The following RASGEF1C variants were observed in gnomAD, a reference collection of about 807,000 sequenced individuals.
The protein encoded by RASGEF1C is RasGEF domain family member 1C.
In RASGEF1C, 27 loss-of-function variants were observed where a neutral mutation model predicts 58.1. That is an observed-to-expected ratio of 0.46 (90% CI 0.34 to 0.64). The LOEUF is 0.64. Among genes scored for constraint, RASGEF1C ranks in the 30% least tolerant of loss-of-function variants. The pLI is 0.01. For missense variants in RASGEF1C, 502 were observed against 605.1 expected (o/e 0.83, Z 1.79); for synonymous variants, 243 against 246.3 (o/e 0.99, Z 0.13).
chr5:180,191,523 A>G (rs1175312587), intron 1 of RASGEF1C, among the ~76,000 whole-genome samples: 1 of 151,372 alleles, frequency 6.6e-6, no homozygotes, highest in Non-Finnish European at 1.5e-5. Context: ...CGGCCGGCTG[A>G]TTTTTTGTAT....
chr5:180,152,561 T>A (rs1349049291), intron 1 of RASGEF1C, among the ~76,000 whole-genome samples: 2 of 76,662 alleles, frequency 2.6e-5, no homozygotes, highest in African/African-American at 1.1e-4. Flanking sequence ...CGGGGCCTGT[T>A]GTGGGGTGGG....
intron 1 of RASGEF1C, among the ~76,000 whole-genome samples, chr5:180,148,797 C>A (rs1766698541): frequency 6.6e-6 from 1 of 152,286 alleles, no homozygotes; most frequent in East Asian, 1.9e-4. Flanking sequence ...ATGGATAAAT[C>A]TTTACCAGAT....
chr5:180,102,573 G>A (rs1230332133), intron 12 of RASGEF1C, among the ~76,000 whole-genome samples: 4 of 152,208 alleles, frequency 2.6e-5, no homozygotes, highest in Non-Finnish European at 4.4e-5. Flanking sequence ...ATTTGTATAA[G>A]GTGTGAGGCT....
In RASGEF1C at chr5:180,189,923, C is replaced by CAAAAAA. The variant is rs71001085; in HGVS notation, c.-7+19099_-7+19104dup. ...GGGCAACAAGAGCAAAACTCCATCT[C>CAAAAAA]AAAAAAAAAAAAAAAAAAAAAAAAA... On this transcript the variant is annotated intron_variant, in intron 1 of 13. Transcript: ENST00000361132. 1.6e-3 allele frequency among the ~76,000 whole-genome samples: 60 copies of CAAAAAA among 37,164 alleles called. 1 individual carries two copies. The highest frequency in any genetic ancestry group is 2.3e-3 in the Non-Finnish European group (49 of 21,756). 24.4% of individuals were successfully genotyped at this position (37,164 alleles called of 152,430 possible). A position where few individuals can be genotyped will look rare whatever the true frequency, so the allele number is the denominator to read the frequency against.
intron 1 of RASGEF1C, among the ~76,000 whole-genome samples, chr5:180,182,127 C>T (rs1368682880): frequency 6.9e-6 from 1 of 144,914 alleles, no homozygotes; most frequent in South Asian, 2.2e-4. Flanking sequence ...ATGGCGGGAA[C>T]CCGGGAGGTG....
At chr5:180,200,458 C>T (rs778494043) in intron 1 of RASGEF1C, among the ~76,000 whole-genome samples, 3 of 151,302 alleles carry the variant, frequency 2.0e-5, no homozygotes, top group Non-Finnish European at 4.4e-5. Context: ...TACAGGCGCC[C>T]GCCACCACGC....
chr5:180,158,186 C>T lies in RASGEF1C; in HGVS notation c.-6-20128G>A, dbSNP rs1021345702. ...TGGGGGTCTTGGTGATGATCATCTACTTCCTAGCTCACGCTGCTGCAGTGG... is the reference window on the plus strand; with the variant it reads ...TGGGGGTCTTGGTGATGATCATCTATTTCCTAGCTCACGCTGCTGCAGTGG... On this transcript the variant is annotated intron_variant, in intron 1 of 13. Transcript: ENST00000361132. The surrounding 1 kb of genome is among the most constrained non-coding windows in gnomAD (Gnocchi z 4.0). 6.6e-6 allele frequency among the ~76,000 whole-genome samples: 1 copy of T among 152,180 alleles called. No individual in the cohort carries two copies. Among genetic ancestry groups the T allele is most frequent in the Non-Finnish European group, 1.5e-5 (1 of 68,036 alleles).
intron 1 of RASGEF1C, among the ~76,000 whole-genome samples, chr5:180,180,155 G>A (rs868153619): frequency 2.0e-4 from 31 of 152,292 alleles, no homozygotes; most frequent in African/African-American, 7.0e-4. Context: ...CAAAAAGGCA[G>A]CGGGCACAGC....
intron 1 of RASGEF1C, 145 bp downstream of exon 1, chr5:180,208,883 T>G (rs943486529): frequency 1.4e-5 from 2 of 146,856 alleles, no homozygotes; most frequent in African/African-American, 5.0e-5. Context: ...ACCCCGCCCC[T>G]GCTGACCCCG....
chr5:180,127,499 C>T (rs1766282396), intron 6 of RASGEF1C, 110 bp downstream of exon 6: 1 of 1,065,962 alleles, frequency 9.4e-7, no homozygotes, highest in Non-Finnish European at 1.3e-6. Context: ...CCCACCTGTC[C>T]CACTCTGGGC....
intron 1 of RASGEF1C, among the ~76,000 whole-genome samples, chr5:180,182,098 G>A (rs1425338752): frequency 2.6e-5 from 4 of 151,164 alleles, no homozygotes; most frequent in Non-Finnish European, 5.9e-5. Context: ...CCAGCTACAC[G>A]GGAGGCTGAG....
chr5:180,179,596 G>T (rs1581122823), intron 1 of RASGEF1C, among the ~76,000 whole-genome samples: 1 of 152,198 alleles, frequency 6.6e-6, no homozygotes, highest in East Asian at 1.9e-4. Context: ...TACAGCAGCT[G>T]CCAGGGTGAG....
chr5:180,174,637 T>C (rs554072315), intron 1 of RASGEF1C, among the ~76,000 whole-genome samples: 2,304 of 152,078 alleles, frequency 0.015, 26 homozygotes, highest in Middle Eastern at 0.027. Context: ...TGTGTGTGTG[T>C]GCGTGCATGT....
At chr5:180,130,680 G>C (rs374173122) in intron 4 of RASGEF1C, among the ~76,000 whole-genome samples, 2 of 152,266 alleles carry the variant, frequency 1.3e-5, no homozygotes, top group South Asian at 4.1e-4. Context: ...CTCCTGCCTT[G>C]GGCTGTCTGC....
intron 1 of RASGEF1C, among the ~76,000 whole-genome samples, chr5:180,144,559 A>G (rs985480115): frequency 4.6e-5 from 7 of 152,128 alleles, no homozygotes; most frequent in African/African-American, 1.7e-4. Context: ...GGATTGCTTG[A>G]GCCCAGGAAT....
intron 11 of RASGEF1C, among the ~76,000 whole-genome samples, chr5:180,113,639 CGGAGTGACCGGGGA>C (rs1766010482): frequency 5.3e-5 from 3 of 57,048 alleles, no homozygotes; most frequent in South Asian, 7.0e-4. Context: ...CGGGGATGGA[CGGAGTGACCGGGGA>C]TGGACGGAGG....
intron 1 of RASGEF1C, among the ~76,000 whole-genome samples, chr5:180,207,853 G>C (rs1390317749): frequency 1.3e-5 from 2 of 152,052 alleles, no homozygotes; most frequent in Non-Finnish European, 2.9e-5. Flanking sequence ...CAGCCTCCCT[G>C]ACCAGACGAA....
At chr5:180,157,870 T>C (rs1021419386) in intron 1 of RASGEF1C, among the ~76,000 whole-genome samples, 6 of 152,158 alleles carry the variant, frequency 3.9e-5, no homozygotes, top group African/African-American at 9.7e-5. Context: ...TTCTGCCTGA[T>C]ACTATAATGG....
chr5:180,145,332 G>A (rs1766646866), intron 1 of RASGEF1C, among the ~76,000 whole-genome samples: 1 of 152,100 alleles, frequency 6.6e-6, no homozygotes, highest in Admixed American at 6.5e-5. Context: ...TGTTGGCCAG[G>A]CTGGTCTTAA....
Sources: gnomAD v4.1 joint callset for allele counts (sites outside exome capture counted in the v4.1 genomes callset) on GRCh38, gnomAD v4.1.1 for gene constraint, Gnocchi (gnomAD v3.1) non-coding constraint, MANE v1.5 for transcripts, NCBI Gene and HGNC (gene_info 2026-07-23, HGNC 2026-07-21) for gene names.